CCDC91: variants seen among roughly 807,000 people sequenced by gnomAD.
The protein encoded by CCDC91 is coiled-coil domain containing 91, also known as coiled-coil domain-containing protein 91.
Under a neutral mutation model 63.2 loss-of-function variants are expected in CCDC91, and 48 were observed. The observed-to-expected ratio is 0.76, with a 90% CI of 0.60 to 0.97. The LOEUF (loss-of-function observed/expected upper bound fraction) is 0.97. Among genes scored for constraint, CCDC91 ranks in the 50% least tolerant of loss-of-function variants. The pLI is 0.00. For missense variants in CCDC91, 500 were observed against 494.6 expected (o/e 1.01, Z -0.10); for synonymous variants, 167 against 165.8 (o/e 1.01, Z -0.06).
chr12:28,346,940 A>G (rs897763328), intron 6 of CCDC91, among the ~76,000 whole-genome samples: 1 of 152,152 alleles, frequency 6.6e-6, no homozygotes, highest in Non-Finnish European at 1.5e-5. Context: ...CCCTGAACCT[A>G]TCAGGCAAAA....
At chr12:28,280,366 A>C (rs886426117) in intron 3 of CCDC91, among the ~76,000 whole-genome samples, 1 of 151,928 alleles carries the variant, frequency 6.6e-6, no homozygotes, top group African/African-American at 2.4e-5. Flanking sequence ...TCCTGTATAC[A>C]TCTCTGATGT....
chr12:28,479,017 A>T (rs1358089653), intron 11 of CCDC91, among the ~76,000 whole-genome samples: 1 of 152,182 alleles, frequency 6.6e-6, no homozygotes, highest in African/African-American at 2.4e-5. Flanking sequence ...TGTTGGTGGG[A>T]CTGTAAATTA....
intron 8 of CCDC91, chr12:28,412,864 A>G (rs1300869673): frequency 1.1e-5 from 5 of 443,416 alleles, no homozygotes; most frequent in Admixed American, 2.4e-5. Flanking sequence ...GTAAGACAGG[A>G]AAGTTCCCCA....
chr12:28,513,914 A>G (rs2141316950), intron 12 of CCDC91, among the ~76,000 whole-genome samples: 1 of 152,020 alleles, frequency 6.6e-6, no homozygotes, highest in East Asian at 2.0e-4. Context: ...ATAGCACAGC[A>G]GTGGACATAT....
chr12:28,471,809 G>A (rs192576904), intron 11 of CCDC91, among the ~76,000 whole-genome samples: 2 of 151,810 alleles, frequency 1.3e-5, no homozygotes, highest in Non-Finnish European at 2.9e-5. Context: ...GAGTGCAGTG[G>A]TGCAATCTCA....
At chr12:28,265,218 C>T (rs1390109929) in intron 3 of CCDC91, among the ~76,000 whole-genome samples, 1 of 151,968 alleles carries the variant, frequency 6.6e-6, no homozygotes, top group Non-Finnish European at 1.5e-5. Context: ...TAATATGTTT[C>T]TAAGTTCCTT....
At chr12:28,211,660 G>A (rs1341524143) in intron 1 of CCDC91, among the ~76,000 whole-genome samples, 1 of 152,068 alleles carries the variant, frequency 6.6e-6, no homozygotes, top group Non-Finnish European at 1.5e-5. Flanking sequence ...TGGGTCTAAT[G>A]TGTAAGCTGG....
rs79620373 is a variant in CCDC91, at chr12:28,377,896, T to A, written c.655-13408T>A. 9.2e-3 allele frequency among the ~76,000 whole-genome samples: 1,405 copies of A among 152,152 alleles called. 27 individuals carry two copies. The highest frequency in any genetic ancestry group is 0.032 in the African/African-American group (1,335 of 41,542). On this transcript the variant is annotated intron_variant, in intron 7 of 12. Transcript: ENST00000536442. ...GCAAAAACCAGTCAATGCTGGTCAC[T>A]TGAATAGTACTTATAAATACTTTAC...
At position 28,549,292 on chromosome 12, in the gene CCDC91, G is replaced by C; in HGVS notation, c.*119G>C. The C allele has an allele frequency of 1.6e-6, 1 of 614,294 alleles. No homozygotes were observed. The highest frequency in any genetic ancestry group is 2.9e-5 in the Admixed American group (1 of 34,646). 38.1% of individuals were successfully genotyped at this position (614,294 alleles called of 1,614,324 possible). A position where few individuals can be genotyped will look rare whatever the true frequency, so the allele number is the denominator to read the frequency against. On this transcript the variant is annotated 3_prime_UTR_variant, in exon 13 of 13. Coordinates refer to ENST00000536442, the MANE Select transcript of CCDC91 (RefSeq NM_018318.5). ...CCAAATCATGTAGAATTGATTTCCA[G>C]TTCAAGGATAAACCAAAACAATATT...
chr12:28,382,095 T>A (rs1945329718), intron 7 of CCDC91, among the ~76,000 whole-genome samples: 1 of 152,098 alleles, frequency 6.6e-6, no homozygotes, highest in African/African-American at 2.4e-5. Context: ...CACAAACTCA[T>A]TCACTTAGTC....
intron 12 of CCDC91, among the ~76,000 whole-genome samples, chr12:28,510,918 C>T (rs1300562365): frequency 2.0e-5 from 3 of 151,838 alleles, no homozygotes; most frequent in Admixed American, 6.6e-5. Context: ...CATCACCTGC[C>T]ACATTTGCTC....
At chr12:28,405,146 T>G (rs1285048032) in intron 8 of CCDC91, among the ~76,000 whole-genome samples, 3 of 152,054 alleles carry the variant, frequency 2.0e-5, no homozygotes, top group African/African-American at 7.2e-5. Context: ...TGATTTAATT[T>G]TCTCTCCTGT....
At chr12:28,298,826 A>G (rs1279775221) in intron 3 of CCDC91, among the ~76,000 whole-genome samples, 1 of 151,364 alleles carries the variant, frequency 6.6e-6, no homozygotes, top group Non-Finnish European at 1.5e-5. Flanking sequence ...CTTTATAAAA[A>G]TGGGTTCATA....
chr12:28,461,557 TGGTTAAGTAGCCTAA>T (rs757145089), intron 11 of CCDC91, among the ~76,000 whole-genome samples: 47 of 152,228 alleles, frequency 3.1e-4, no homozygotes, highest in Non-Finnish European at 6.3e-4. Flanking sequence ...CTTATAACTT[TGGTTAAGTAGCCTAA>T]GTTTTCTAAA....
intron 6 of CCDC91, among the ~76,000 whole-genome samples, chr12:28,340,527 C>G (rs1162939776): frequency 6.6e-6 from 1 of 152,208 alleles, no homozygotes. Flanking sequence ...GCTCATGGTC[C>G]TCTTCCATCT....
chr12:28,501,308 G>C (rs964945000), intron 12 of CCDC91, among the ~76,000 whole-genome samples: 3 of 151,852 alleles, frequency 2.0e-5, no homozygotes, highest in African/African-American at 7.2e-5. Flanking sequence ...AATGCTTCCA[G>C]TTTTTGCCCA....
chr12:28,257,303 A>T, intron 2 of CCDC91, 58 bp downstream of exon 2: 2 of 1,120,244 alleles, frequency 1.8e-6, no homozygotes, highest in Non-Finnish European at 2.7e-6. Flanking sequence ...AATGGAGTAA[A>T]CTATTTTGAA....
At chr12:28,224,848 C>T (rs73083909) in intron 1 of CCDC91, among the ~76,000 whole-genome samples, 2,994 of 152,208 alleles carry the variant, frequency 0.02, 42 homozygotes, top group African/African-American at 0.041. Context: ...AATTGGCTAG[C>T]GCAGAATTAC....
chr12:28,196,570 A>C (rs1412815789), intron 1 of CCDC91, among the ~76,000 whole-genome samples: 1 of 152,218 alleles, frequency 6.6e-6, no homozygotes, highest in Non-Finnish European at 1.5e-5. Context: ...ACCATTGAGT[A>C]GTTAGCTGTA....
Sources: gnomAD v4.1 joint callset for allele counts (sites outside exome capture counted in the v4.1 genomes callset) on GRCh38, gnomAD v4.1.1 for gene constraint, MANE v1.5 for transcripts, NCBI Gene and HGNC (gene_info 2026-07-23, HGNC 2026-07-21) for gene names.